The following OSBPL8 variants were observed in gnomAD, a reference collection of about 807,000 sequenced individuals.
OSBPL8 encodes oxysterol-binding protein-related protein 8.
OSBPL8 carries 59 observed loss-of-function variants against 125.5 expected under a neutral mutation model. That is an observed-to-expected ratio of 0.47 (90% CI 0.38 to 0.58). The LOEUF (loss-of-function observed/expected upper bound fraction) is 0.58, where lower values mean the gene tolerates loss of function less well. OSBPL8 is among the 20% of genes least tolerant of loss of function. The pLI is 0.00. For missense variants in OSBPL8, 758 were observed against 1,047.8 expected (o/e 0.72, Z 3.82); for synonymous variants, 330 against 338.9 (o/e 0.97, Z 0.29).
chr12:76,475,706 C>T (rs561449443), intron 2 of OSBPL8, among the ~76,000 whole-genome samples: 2 of 152,256 alleles, frequency 1.3e-5, no homozygotes, highest in African/African-American at 4.8e-5. Flanking sequence ...CCCCTGAACC[C>T]GTCCCTGGAG....
intron 1 of OSBPL8, among the ~76,000 whole-genome samples, chr12:76,490,100 A>C (rs1053403786): frequency 2.6e-5 from 4 of 152,242 alleles, no homozygotes; most frequent in Admixed American, 1.3e-4. Flanking sequence ...ATCTCAAGAC[A>C]AAACTTGAAT....
At chr12:76,475,268 A>G (rs1592748315) in intron 2 of OSBPL8, among the ~76,000 whole-genome samples, 1 of 152,320 alleles carries the variant, frequency 6.6e-6, no homozygotes, top group African/African-American at 2.4e-5. Flanking sequence ...TGGGAGAAAG[A>G]GCAAATGACA....
intron 1 of OSBPL8, among the ~76,000 whole-genome samples, chr12:76,509,934 T>C (rs1167146474): frequency 6.6e-6 from 1 of 152,230 alleles, no homozygotes; most frequent in Non-Finnish European, 1.5e-5. Context: ...TCCCTTGATC[T>C]TGACTACTTT....
At chr12:76,395,946 G>A (rs1250805376) in intron 8 of OSBPL8, among the ~76,000 whole-genome samples, 1 of 150,890 alleles carries the variant, frequency 6.6e-6, no homozygotes, top group African/African-American at 2.4e-5. Context: ...AATCATTAAT[G>A]GCTTAAAAAT....
intron 4 of OSBPL8, among the ~76,000 whole-genome samples, chr12:76,434,854 C>T (rs941891991): frequency 3.9e-5 from 6 of 152,066 alleles, no homozygotes; most frequent in African/African-American, 9.7e-5. Context: ...ATCAATAAAA[C>T]GTAAGTTAAC....
At chr12:76,405,417 C>T (rs1954216560) in intron 5 of OSBPL8, among the ~76,000 whole-genome samples, 2 of 152,134 alleles carry the variant, frequency 1.3e-5, no homozygotes, top group African/African-American at 4.8e-5. Context: ...AGTGATTGCA[C>T]CACTGCACTC....
At chr12:76,526,635 C>CTTTTTTTTTT (rs573409160) in intron 1 of OSBPL8, among the ~76,000 whole-genome samples, 12 of 64,260 alleles carry the variant, frequency 1.9e-4, no homozygotes, top group African/African-American at 3.7e-4. Context: ...CAGTAAATCT[C>CTTTTTTTTTT]TTTTTTTTTT....
chr12:76,469,276 C>T (rs1401345455), intron 2 of OSBPL8, among the ~76,000 whole-genome samples: 2 of 152,198 alleles, frequency 1.3e-5, no homozygotes, highest in Admixed American at 6.5e-5. Flanking sequence ...CAAGGCCATT[C>T]CAATGATTCT....
At chr12:76,462,896 A>G (rs1017708455) in intron 2 of OSBPL8, among the ~76,000 whole-genome samples, 1 of 152,166 alleles carries the variant, frequency 6.6e-6, no homozygotes, top group Non-Finnish European at 1.5e-5. Context: ...AAGGCCAATG[A>G]GGCTGGAATG....
intron 2 of OSBPL8, among the ~76,000 whole-genome samples, chr12:76,474,570 C>A (rs988289349): frequency 6.6e-6 from 1 of 152,132 alleles, no homozygotes; most frequent in South Asian, 2.1e-4. Context: ...CAGCCTCAAC[C>A]GCCAGGGCTC....
intron 4 of OSBPL8, among the ~76,000 whole-genome samples, chr12:76,436,954 T>G (rs1221697855): frequency 6.6e-6 from 1 of 152,210 alleles, no homozygotes; most frequent in East Asian, 1.9e-4. Context: ...ATAAATGTCT[T>G]AACTTTAATT....
rs1043591265 is a variant in OSBPL8 at position 76,444,321 on chromosome 12, A to G, written c.217+6530T>C. Among the ~76,000 whole-genome samples the G allele has an allele frequency of 1.1e-4, 16 of 152,210 alleles. 1 individual carries two copies. The highest frequency in any genetic ancestry group is 3.9e-4 in the African/African-American group (16 of 41,450). On this transcript the variant is annotated intron_variant, in intron 4 of 23. Transcript: ENST00000261183. ...TGAAGAAATCAAACATACCTATTAT[A>G]ATAACAATATAAAGCAGCATATTGT...
chr12:76,473,037 A>AT (rs1876366867), intron 2 of OSBPL8, among the ~76,000 whole-genome samples: 1 of 152,010 alleles, frequency 6.6e-6, no homozygotes, highest in South Asian at 2.1e-4. Flanking sequence ...GTCTTTCCAG[A>AT]TGCTGGCGTT....
intron 1 of OSBPL8, among the ~76,000 whole-genome samples, chr12:76,510,133 C>T (rs1287501228): frequency 6.6e-6 from 1 of 152,176 alleles, no homozygotes; most frequent in East Asian, 1.9e-4. Context: ...CAATAAATCA[C>T]TTAAATTCTG....
At chr12:76,385,584 G>A (rs556763361) in intron 14 of OSBPL8, among the ~76,000 whole-genome samples, 4 of 152,078 alleles carry the variant, frequency 2.6e-5, no homozygotes, top group Non-Finnish European at 5.9e-5. Flanking sequence ...GTTTGAGAAG[G>A]GAAAAATCAC....
intron 22 of OSBPL8, among the ~76,000 whole-genome samples, chr12:76,358,160 T>C (rs1353699126): frequency 6.7e-6 from 1 of 149,280 alleles, no homozygotes; most frequent in African/African-American, 2.4e-5. Flanking sequence ...AGGTAGCTAC[T>C]ACTAGAGTGT....
intron 22 of OSBPL8, among the ~76,000 whole-genome samples, chr12:76,357,944 G>A (rs1197079807): frequency 2.6e-5 from 4 of 151,168 alleles, no homozygotes; most frequent in African/African-American, 9.7e-5. Context: ...CACATTATCT[G>A]ACTCGAATAA....
chr12:76,416,441 A>C (rs1378842544), intron 4 of OSBPL8, among the ~76,000 whole-genome samples: 1 of 152,070 alleles, frequency 6.6e-6, no homozygotes, highest in Non-Finnish European at 1.5e-5. Context: ...TTAGTAGAGA[A>C]GTTCTATTTT....
intron 2 of OSBPL8, among the ~76,000 whole-genome samples, chr12:76,474,436 C>CAT (rs200626362): frequency 0.053 from 7,964 of 151,468 alleles, 571 homozygotes; most frequent in African/African-American, 0.16. Flanking sequence ...TACACACATA[C>CAT]ATATATATAT....
Sources: gnomAD v4.1 joint callset for allele counts (sites outside exome capture counted in the v4.1 genomes callset) on GRCh38, gnomAD v4.1.1 for gene constraint, MANE v1.5 for transcripts, NCBI Gene and HGNC (gene_info 2026-07-23, HGNC 2026-07-21) for gene names.